NFS1: variants seen among roughly 807,000 people sequenced by gnomAD.
The protein encoded by NFS1 is cysteine desulfurase.
A neutral mutation model predicts 57.3 loss-of-function variants in NFS1; 26 were observed. That is an observed-to-expected ratio of 0.45 (90% CI 0.33 to 0.63). The LOEUF (loss-of-function observed/expected upper bound fraction) is 0.63. Ranked by LOEUF, NFS1 falls within the 20% of genes least tolerant of loss-of-function variation. The probability of loss-of-function intolerance (pLI) is 0.02; values close to 1 mark genes in which losing one functional copy is unlikely to be tolerated. For missense variants in NFS1, 505 were observed against 605.8 expected, an observed-to-expected ratio of 0.83 and a Z score of 1.75; for synonymous variants, 209 against 216.3, an observed-to-expected ratio of 0.97 and a Z score of 0.30.
At chr20:35,687,826 G>A (rs367604985) in intron 5 of NFS1, among the ~76,000 whole-genome samples, 4 of 152,200 alleles carry the variant, frequency 2.6e-5, no homozygotes, top group African/African-American at 9.6e-5. Flanking sequence ...GGCCGAGAAA[G>A]GTGGCTCACA....
rs2034710699 is a variant in NFS1 at position 35,674,629 on chromosome 20, G to A, written c.949-12C>T. The A allele has an allele frequency of 6.2e-7, 1 of 1,603,786 alleles. No homozygotes were observed. The highest frequency in any genetic ancestry group is 8.5e-7 in the Non-Finnish European group (1 of 1,170,636). ...CGCTTGTGGTCATACTAAGGAGCAGGCAAGGAAGGATTAGGCAGTAACCAT... is the reference window on the plus strand; with the variant it reads ...CGCTTGTGGTCATACTAAGGAGCAGACAAGGAAGGATTAGGCAGTAACCAT... On this transcript the variant is annotated splice_polypyrimidine_tract_variant and intron_variant, in intron 8 of 12. Transcript: ENST00000374092.
intron 11 of NFS1, 80 bp downstream of exon 11, chr20:35,673,521 G>T: frequency 7.8e-7 from 1 of 1,277,446 alleles, no homozygotes; most frequent in Non-Finnish European, 1.1e-6. Context: ...ACTTCAGGGT[G>T]GAAAAAGAAA....
chr20:35,671,532 CT>C (rs1355680668), intron 12 of NFS1, among the ~76,000 whole-genome samples: 1 of 152,194 alleles, frequency 6.6e-6, no homozygotes, highest in Non-Finnish European at 1.5e-5. Context: ...AACTGTGCCA[CT>C]GCACTCCAGC....
intron 5 of NFS1, among the ~76,000 whole-genome samples, chr20:35,682,213 T>C (rs192809324): frequency 1.2e-4 from 18 of 152,310 alleles, no homozygotes; most frequent in Admixed American, 5.9e-4. Context: ...AGTTTGACAG[T>C]TTCTGTTTCT....
At chr20:35,697,495 TCATTTAGC>T (rs976223286) in intron 3 of NFS1, among the ~76,000 whole-genome samples, 181 bp downstream of exon 3, 5 of 152,286 alleles carry the variant, frequency 3.3e-5, no homozygotes, top group African/African-American at 1.2e-4. Context: ...CTTGCCCAAG[TCATTTAGC>T]CAGGAAATAT....
At chr20:35,676,758 GAAAAAAAA>G (rs746820595) in intron 7 of NFS1, among the ~76,000 whole-genome samples, 3 of 18,136 alleles carry the variant, frequency 1.7e-4, no homozygotes, top group East Asian at 2.5e-3. Flanking sequence ...GAGAAAATCA[GAAAAAAAA>G]AAAAAAAAAA....
intron 5 of NFS1, among the ~76,000 whole-genome samples, chr20:35,689,929 C>CAAAAAAA (rs779636716): frequency 1.4e-5 from 1 of 70,980 alleles, no homozygotes; most frequent in Non-Finnish European, 2.7e-5. Flanking sequence ...GACTCTGCCT[C>CAAAAAAA]AAAAAAAAAA....
At position 35,673,694 on chromosome 20, in the gene NFS1, G is replaced by A. The variant is rs373581145; in HGVS notation, c.1137-10C>T. 2 of 1,610,304 alleles carry A rather than the reference G, an allele frequency of 1.2e-6. No homozygotes were observed. Among genetic ancestry groups the A allele is most frequent in the African/African-American group, 1.3e-5 (1 of 74,962 alleles). On this transcript the variant is annotated splice_polypyrimidine_tract_variant and intron_variant, in intron 10 of 12. Transcript: ENST00000374092. ...TGCAGAGGTGCAGGCACTGAGGAGA[G>A]AGACACGAACCTTGTTCAGTTCATC...
rs764181351 is a variant in NFS1, at chr20:35,675,181, C to T, written c.812G>A (p.Arg271His). The T allele has an allele frequency of 6.2e-6, 10 of 1,613,124 alleles. No individual in the cohort carries two copies. The highest frequency in any genetic ancestry group is 1.3e-5 in the African/African-American group (1 of 74,862). The change falls in exon 8 of 13, where the codon CGT becomes CAT. Residue 271 changes from arginine (R) to histidine (H), a missense_variant. Physicochemically the swap from Arg to His is conservative, Grantham distance 29. Transcript: ENST00000374092. Reference protein sequence around the residue: ...GPKGVGAIYIRRRPRVRVEAL... With the variant: ...GPKGVGAIYIHRRPRVRVEAL... ...CTCCACACGCACACGGGGCCGGCGA[C>T]GGATGTAGATGGCACCAACCCCTGG... is the stretch of plus-strand genomic sequence containing the variant.
At chr20:35,689,685 G>A (rs1417714255) in intron 5 of NFS1, among the ~76,000 whole-genome samples, 4 of 151,244 alleles carry the variant, frequency 2.6e-5, no homozygotes, top group East Asian at 3.9e-4. Flanking sequence ...CAGGGGAGTC[G>A]CTTGAACCCG....
chr20:35,688,968 G>A (rs1269382683), intron 5 of NFS1, among the ~76,000 whole-genome samples: 1 of 152,162 alleles, frequency 6.6e-6, no homozygotes, highest in Non-Finnish European at 1.5e-5. Flanking sequence ...TTGGATTGAG[G>A]GGTCCATCTA....
intron 5 of NFS1, among the ~76,000 whole-genome samples, chr20:35,687,581 C>T (rs1053763571): frequency 3.9e-5 from 6 of 152,170 alleles, no homozygotes; most frequent in Non-Finnish European, 8.8e-5. Context: ...GGCTGGCATT[C>T]GGGGCCACTA....
At chr20:35,698,218 T>C (rs1195952283) in intron 2 of NFS1, among the ~76,000 whole-genome samples, 3 of 152,262 alleles carry the variant, frequency 2.0e-5, no homozygotes, top group Non-Finnish European at 4.4e-5. Flanking sequence ...AGTTACTAAG[T>C]GGCCGTTCTG....
At position 35,681,775 on chromosome 20, in the gene NFS1, A is replaced by C. The variant is rs2034852688; in HGVS notation, c.655+113T>G. ...TCCAATGTCCTTGAACAAAGTACTT[A>C]GGCTTTCCCTTGATTTCCTAACTAC... On this transcript the variant is annotated intron_variant, in intron 6 of 12. Coordinates refer to ENST00000374092, the MANE Select transcript of NFS1 (RefSeq NM_021100.5). 7 of 604,642 alleles carry C rather than the reference A, an allele frequency of 1.2e-5. No individual in the cohort carries two copies. The Admixed American group carries it at 1.7e-4, about 14-fold the overall frequency. 37.5% of individuals were successfully genotyped at this position (604,642 alleles called of 1,614,324 possible).
chr20:35,685,523 T>TA (rs1221626527), intron 5 of NFS1, among the ~76,000 whole-genome samples: 1 of 138,714 alleles, frequency 7.2e-6, no homozygotes. Flanking sequence ...CCATGTCTCA[T>TA]AAAAAAAAAT....
intron 4 of NFS1, among the ~76,000 whole-genome samples, chr20:35,691,586 A>T (rs1262681630): frequency 1.3e-5 from 2 of 149,446 alleles, no homozygotes; most frequent in East Asian, 3.9e-4. Context: ...ACTAAAAATT[A>T]AAAAATAAGC....
rs1291841719 is a variant in NFS1 at position 35,668,191 on chromosome 20, T to C, written c.*1431A>G. The C allele has an allele frequency of 6.6e-6, 1 of 152,190 alleles. No homozygotes were observed. The highest frequency in any genetic ancestry group is 6.5e-5 in the Admixed American group (1 of 15,280). 9.4% of individuals were successfully genotyped at this position (152,190 alleles called of 1,614,324 possible). ...CAACAAGAAAAATTCTATAATTTCA[T>C]CTCCTCCTTCCACTGTCCATCTACA... is the stretch of plus-strand genomic sequence containing the variant. On this transcript the variant is annotated 3_prime_UTR_variant, in exon 13 of 13. Transcript: ENST00000374092.
chr20:35,674,187 C>A (rs1022213183), intron 10 of NFS1, 163 bp downstream of exon 10: 18 of 644,200 alleles, frequency 2.8e-5, no homozygotes, highest in Middle Eastern at 4.3e-4. Context: ...TCAGTCTGTA[C>A]CCAGCTACCC....
At chr20:35,677,643 C>T (rs2034776535) in intron 7 of NFS1, among the ~76,000 whole-genome samples, 1 of 152,208 alleles carries the variant, frequency 6.6e-6, no homozygotes, top group African/African-American at 2.4e-5. Context: ...AGTTATTCAC[C>T]AAGTAATCAG....
Sources: gnomAD v4.1 joint callset for allele counts (sites outside exome capture counted in the v4.1 genomes callset) on GRCh38, gnomAD v4.1.1 for gene constraint, MANE v1.5 for transcripts, NCBI Gene and HGNC (gene_info 2026-07-23, HGNC 2026-07-21) for gene names.